The following OPCML variants were observed in gnomAD, a reference collection of about 807,000 sequenced individuals.
The protein encoded by OPCML is opioid-binding protein/cell adhesion molecule.
A neutral mutation model predicts 37.8 loss-of-function variants in OPCML; 13 were observed. That is an observed-to-expected ratio of 0.34 (90% confidence interval 0.22 to 0.55). The LOEUF is 0.55. OPCML is among the 20% of genes least tolerant of loss of function. The pLI is 0.91. For missense variants in OPCML, 341 were observed against 435.6 expected (o/e 0.78, Z 1.93); for synonymous variants, 176 against 168.8 (o/e 1.04, Z -0.33).
At chr11:132,605,813 G>A (rs1938254601) in intron 3 of OPCML, among the ~76,000 whole-genome samples, 1 of 152,084 alleles carries the variant, frequency 6.6e-6, no homozygotes, top group Non-Finnish European at 1.5e-5. Context: ...TAGTATAGTA[G>A]GTACTCAACA....
chr11:133,230,312 A>G (rs1180919726), intron 1 of OPCML, among the ~76,000 whole-genome samples: 1 of 152,178 alleles, frequency 6.6e-6, no homozygotes, highest in Non-Finnish European at 1.5e-5. Flanking sequence ...AGAGGTACAA[A>G]TGCTAAGTGA....
intron 1 of OPCML, among the ~76,000 whole-genome samples, chr11:133,227,472 A>T (rs1226710499): frequency 6.6e-6 from 1 of 152,124 alleles, no homozygotes; most frequent in African/African-American, 2.4e-5. Context: ...CGAATCCCAC[A>T]CGTCTCAAGA....
At chr11:132,922,269 A>G (rs1164760039) in intron 2 of OPCML, among the ~76,000 whole-genome samples, 1 of 152,134 alleles carries the variant, frequency 6.6e-6, no homozygotes, top group African/African-American at 2.4e-5. Flanking sequence ...GCCCCTAAGC[A>G]TGGCTTGATT....
intron 1 of OPCML, among the ~76,000 whole-genome samples, chr11:132,964,460 C>A (rs1297069500): frequency 6.6e-6 from 1 of 152,166 alleles, no homozygotes; most frequent in African/African-American, 2.4e-5. Flanking sequence ...ATGCCATAAC[C>A]TGTGTGAGCC....
intron 1 of OPCML, among the ~76,000 whole-genome samples, chr11:133,171,594 G>A (rs193127439): frequency 2.3e-4 from 35 of 152,326 alleles, no homozygotes; most frequent in Non-Finnish European, 4.9e-4. Flanking sequence ...GCCAGCGCTC[G>A]AACTGTTTGC....
At chr11:132,505,156 T>A (rs2096253834) in intron 4 of OPCML, among the ~76,000 whole-genome samples, 1 of 151,980 alleles carries the variant, frequency 6.6e-6, no homozygotes, top group Non-Finnish European at 1.5e-5. Context: ...GGACTCAAAA[T>A]TTACTCAAAA....
chr11:133,081,745 C>A (rs894178017), intron 1 of OPCML, among the ~76,000 whole-genome samples: 2 of 152,134 alleles, frequency 1.3e-5, no homozygotes, highest in Non-Finnish European at 2.9e-5. Flanking sequence ...ATCACCCAAT[C>A]CAGAATCTCC....
chr11:133,062,384 C>T (rs960881114), intron 1 of OPCML, among the ~76,000 whole-genome samples: 1 of 152,200 alleles, frequency 6.6e-6, no homozygotes, highest in East Asian at 1.9e-4. Context: ...TCTTCTCGAG[C>T]CTTTTCTGTT....
At chr11:133,140,985 A>AGAC (rs1565468860) in intron 1 of OPCML, among the ~76,000 whole-genome samples, 5 of 3,722 alleles carry the variant, frequency 1.3e-3, no homozygotes, top group African/African-American at 2.5e-3. Flanking sequence ...AAGAAGAAGA[A>AGAC]GAAGAAGAAG....
At position 133,529,460 on chromosome 11, in the gene OPCML, C is replaced by T. The variant is rs141020292; in HGVS notation, c.61+2804G>A. On this transcript the variant is annotated intron_variant, in intron 1 of 7. Transcript: ENST00000524381. The stretch of plus-strand genomic sequence containing the variant: ...TCTAGCATGACAAGTCAGTTGGCCA[C>T]GGGCCCTCTGCCCTGTCTTGGGTGT... Among the ~76,000 whole-genome samples, 236 of 152,304 alleles carry T rather than the reference C, an allele frequency of 1.5e-3. 1 individual carries two copies. Among genetic ancestry groups the T allele is most frequent in the African/African-American group, 5.2e-3 (217 of 41,568 alleles).
At chr11:132,513,358 T>C (rs551041944) in intron 4 of OPCML, among the ~76,000 whole-genome samples, 1 of 152,264 alleles carries the variant, frequency 6.6e-6, no homozygotes, top group East Asian at 1.9e-4. Flanking sequence ...TTACTACCTG[T>C]TATGGAAAAC....
At chr11:133,132,079 A>C (rs1949613092) in intron 1 of OPCML, among the ~76,000 whole-genome samples, 1 of 152,220 alleles carries the variant, frequency 6.6e-6, no homozygotes, top group Non-Finnish European at 1.5e-5. Flanking sequence ...TTTGAAAGAC[A>C]TTGTATAGAA....
chr11:132,767,941 C>T (rs923628668), intron 2 of OPCML, among the ~76,000 whole-genome samples: 8 of 152,090 alleles, frequency 5.3e-5, no homozygotes, highest in African/African-American at 1.7e-4. Context: ...CCCTCATGCT[C>T]GACTTTAAAG....
chr11:133,346,137 G>A (rs992361204), intron 1 of OPCML, among the ~76,000 whole-genome samples: 1 of 152,090 alleles, frequency 6.6e-6, no homozygotes, highest in Non-Finnish European at 1.5e-5. Flanking sequence ...TGATAATTTG[G>A]CATACACTCT....
At chr11:132,853,119 A>G (rs1308160501) in intron 2 of OPCML, among the ~76,000 whole-genome samples, 3 of 152,176 alleles carry the variant, frequency 2.0e-5, no homozygotes, top group African/African-American at 7.2e-5. Flanking sequence ...CAGAATTGGT[A>G]TCTTGCAGAC....
chr11:132,417,134 C>G lies in OPCML; in HGVS notation c.*3059G>C, dbSNP rs2095941528. 1 of 152,566 alleles carries G rather than the reference C, an allele frequency of 6.6e-6. No individual in the cohort carries two copies. The highest frequency in any genetic ancestry group is 2.1e-4 in the South Asian group (1 of 4,832). 9.5% of individuals were successfully genotyped at this position (152,566 alleles called of 1,614,324 possible). A position where few individuals can be genotyped will look rare whatever the true frequency, so the allele number is the denominator to read the frequency against. On this transcript the variant is annotated 3_prime_UTR_variant, in exon 8 of 8. Coordinates refer to ENST00000524381, the MANE Select transcript of OPCML (RefSeq NM_001012393.5). ...CTGCCTTGCCCCCACCCCATGCCCA[C>G]TACTGGCACCCTGAACAAATCTAGC...
chr11:133,475,487 A>C (rs1947220978), intron 1 of OPCML, among the ~76,000 whole-genome samples: 2 of 152,150 alleles, frequency 1.3e-5, no homozygotes, highest in South Asian at 4.1e-4. Flanking sequence ...CCTTCCAAAC[A>C]AGAAGCACCA....
rs2095995509 is a variant in OPCML, at chr11:132,431,147, T to C, written c.916+4939A>G. On this transcript the variant is annotated intron_variant, in intron 7 of 7. Transcript: ENST00000524381. ...ATGCTTAGAGCAAGCTGATTTGCAA[T>C]GGTTGGAGCAAGCTACTGTGCAAAG... 1.3e-5 allele frequency among the ~76,000 whole-genome samples: 2 copies of C among 152,220 alleles called. 1 individual carries two copies. Among genetic ancestry groups the C allele is most frequent in the South Asian group, 4.1e-4 (2 of 4,834 alleles).
At chr11:133,336,091 C>G (rs187942792) in intron 1 of OPCML, among the ~76,000 whole-genome samples, 45 of 152,284 alleles carry the variant, frequency 3.0e-4, no homozygotes, top group Non-Finnish European at 5.9e-5. Context: ...AAGAAGTGGA[C>G]TTCAGAACAA....
Sources: allele counts gnomAD v4.1 joint callset (sites outside exome capture counted in the v4.1 genomes callset), GRCh38; gene constraint gnomAD v4.1.1; transcripts MANE v1.5; gene names NCBI Gene and HGNC (gene_info 2026-07-23, HGNC 2026-07-21).